Variants in LMTK2 observed in about 807,000 individuals in gnomAD.
LMTK2 encodes the protein serine/threonine-protein kinase LMTK2.
LMTK2 carries 37 observed loss-of-function variants against 127.5 expected under a neutral mutation model. The observed-to-expected ratio is 0.29, with a 90% CI of 0.22 to 0.38. LMTK2 has a LOEUF of 0.38. LMTK2 is among the 10% of genes least tolerant of loss of function. The pLI is 1.00. For missense variants in LMTK2, 1,694 were observed against 1,920.3 expected (o/e 0.88, Z 2.20); for synonymous variants, 819 against 810.1 (o/e 1.01, Z -0.19).
At position 98,171,729 on chromosome 7, in the gene LMTK2, G is replaced by A; in HGVS notation, c.791+55G>A. 2 of 1,492,044 alleles carry A rather than the reference G, an allele frequency of 1.3e-6. No homozygotes were observed. The highest frequency in any genetic ancestry group is 1.8e-6 in the Non-Finnish European group (2 of 1,126,854). The allele number at this position is 1,492,044 out of a possible 1,614,324, so 92.4% of individuals were successfully genotyped here. A position where few individuals can be genotyped will look rare whatever the true frequency, so the allele number is the denominator to read the frequency against. On this transcript the variant is annotated intron_variant, in intron 7 of 13. Coordinates refer to ENST00000297293, the MANE Select transcript of LMTK2 (RefSeq NM_014916.4). The surrounding 1 kb of genome is among the most constrained non-coding windows in gnomAD (Gnocchi z 5.1). ...CACACAGCACCGGCGGGACAGTCCA[G>A]AGAGGCTGCCGAGTTTGTGAAACTT... is the stretch of plus-strand genomic sequence containing the variant.
At chr7:98,120,402 CA>C in intron 1 of LMTK2, among the ~76,000 whole-genome samples, 1 of 152,224 alleles carries the variant, frequency 6.6e-6, no homozygotes, top group South Asian at 2.1e-4. Context: ...AGTAAATCCC[CA>C]AGACATCTTG....
Position 98,161,069 on chromosome 7 carries a change from T to C in LMTK2, c.657+1644T>C, listed in dbSNP as rs78359956. ...GGAATATGTAGTTCATTTACGTTTC[T>C]TGTAATTAGTGAGATATTTGTAATT... On this transcript the variant is annotated intron_variant, in intron 6 of 13. Coordinates refer to ENST00000297293, the MANE Select transcript of LMTK2 (RefSeq NM_014916.4). Among the ~76,000 whole-genome samples, 101 of 152,354 alleles carry C rather than the reference T, an allele frequency of 6.6e-4. 1 individual carries two copies. In the East Asian group the frequency reaches 0.019, roughly 28 times the overall value.
At chr7:98,133,895 C>A (rs12531245) in intron 1 of LMTK2, among the ~76,000 whole-genome samples, 9,198 of 151,942 alleles carry the variant, frequency 0.061, 643 homozygotes, top group East Asian at 0.34. Flanking sequence ...GTTTGTGATG[C>A]TTAAAAAAAC....
At chr7:98,141,605 CT>C (rs1489801799) in intron 3 of LMTK2, 64 bp downstream of exon 3, 2 of 1,483,850 alleles carry the variant, frequency 1.3e-6, no homozygotes, top group Non-Finnish European at 1.9e-6. Flanking sequence ...GAATGGGAGC[CT>C]AGCCATCATA....
intron 1 of LMTK2, among the ~76,000 whole-genome samples, chr7:98,111,728 G>A (rs1284441347): frequency 6.6e-6 from 1 of 152,202 alleles, no homozygotes; most frequent in African/African-American, 2.4e-5. Context: ...AGGTGGTATG[G>A]CATCAAAGCA....
chr7:98,189,156 C>T (rs963704938), intron 9 of LMTK2, among the ~76,000 whole-genome samples: 2 of 152,100 alleles, frequency 1.3e-5, no homozygotes, highest in Non-Finnish European at 2.9e-5. Flanking sequence ...GTGAGGACCC[C>T]AGGCGACCCC....
Position 98,107,240 on chromosome 7 carries a change from C to G in LMTK2, c.63C>G (p.Ala21=). The G allele has an allele frequency of 1.4e-6, 2 of 1,458,540 alleles. No homozygotes were observed. The highest frequency in any genetic ancestry group is 1.8e-6 in the Non-Finnish European group (2 of 1,112,494). 90.3% of individuals were successfully genotyped at this position (1,458,540 alleles called of 1,614,324 possible). ...TGCTGCTGCTGGTCCTCCTGATCGC[C>G]GGCAGTGCTGGGGCCGCGCCACTTC... is the stretch of plus-strand genomic sequence containing the variant. ...LLLLLLVLLI[A]GSAGAAPLPQ... Residue 21 remains alanine, a synonymous_variant, in exon 1 of 14, where the codon GCC becomes GCG. Transcript: ENST00000297293.
At chr7:98,166,068 C>G (rs749679733) in intron 6 of LMTK2, among the ~76,000 whole-genome samples, 1 of 152,250 alleles carries the variant, frequency 6.6e-6, no homozygotes. Flanking sequence ...GGCTGCAGCC[C>G]GGGCACTACG....
chr7:98,177,563 G>A (rs998713024), intron 7 of LMTK2, among the ~76,000 whole-genome samples: 1 of 152,160 alleles, frequency 6.6e-6, no homozygotes, highest in Non-Finnish European at 1.5e-5. Context: ...GCAGTGGCAC[G>A]ATCATGGCTC....
At chr7:98,145,324 C>A (rs1796756630) in intron 3 of LMTK2, among the ~76,000 whole-genome samples, 1 of 151,028 alleles carries the variant, frequency 6.6e-6, no homozygotes, top group African/African-American at 2.4e-5. Context: ...ATTTTTGATG[C>A]ACAGGATTCC....
At chr7:98,176,368 T>C (rs1040915460) in intron 7 of LMTK2, among the ~76,000 whole-genome samples, 5 of 152,172 alleles carry the variant, frequency 3.3e-5, no homozygotes, top group African/African-American at 1.2e-4. Context: ...AATAGCAATA[T>C]CATGCTATTG....
At chr7:98,149,204 C>T (rs758461016) in intron 3 of LMTK2, among the ~76,000 whole-genome samples, 5 of 152,178 alleles carry the variant, frequency 3.3e-5, no homozygotes, top group Non-Finnish European at 7.3e-5. Context: ...GGAATAAGGT[C>T]CACTGTGCTC....
At chr7:98,127,208 A>G (rs901507353) in intron 1 of LMTK2, among the ~76,000 whole-genome samples, 4 of 152,216 alleles carry the variant, frequency 2.6e-5, no homozygotes, top group Non-Finnish European at 4.4e-5. Flanking sequence ...ATAATTGTTC[A>G]GATTTTTTTC....
intron 3 of LMTK2, among the ~76,000 whole-genome samples, chr7:98,141,867 A>G (rs1477536846): frequency 6.6e-6 from 1 of 152,190 alleles, no homozygotes; most frequent in Non-Finnish European, 1.5e-5. Flanking sequence ...CTTGCTGAGT[A>G]GGACTCTGCT....
rs569631315 is a variant in LMTK2 at position 98,181,575 on chromosome 7, C to T, written c.792-3476C>T. Among the ~76,000 whole-genome samples the T allele has an allele frequency of 2.0e-5, 3 of 152,322 alleles. No individual in the cohort carries two copies. The South Asian group carries it at 6.2e-4, about 32-fold the overall frequency. On this transcript the variant is annotated intron_variant, in intron 7 of 13. Transcript: ENST00000297293. ...CTACAGTAATCAAAACAGTGTTGTACTAGCATAAGGAAGACATATAGACCA... is the reference window on the plus strand; with the variant it reads ...CTACAGTAATCAAAACAGTGTTGTATTAGCATAAGGAAGACATATAGACCA...
At chr7:98,173,740 C>A (rs904386454) in intron 7 of LMTK2, among the ~76,000 whole-genome samples, 1 of 152,074 alleles carries the variant, frequency 6.6e-6, no homozygotes, top group Admixed American at 6.6e-5. Flanking sequence ...GGGTTTTATT[C>A]AAGTTCTAAA....
chr7:98,196,192 A>G (rs1243899700), intron 11 of LMTK2, among the ~76,000 whole-genome samples: 1 of 151,572 alleles, frequency 6.6e-6, no homozygotes, highest in African/African-American at 2.4e-5. Flanking sequence ...TGTCTCAGAA[A>G]AAAAAAAAAA....
intron 5 of LMTK2, among the ~76,000 whole-genome samples, chr7:98,157,007 A>C (rs76737541): frequency 6.6e-6 from 1 of 152,280 alleles, no homozygotes; most frequent in East Asian, 1.9e-4. Flanking sequence ...TAGCCTTTTG[A>C]GAAGCTGAGG....
At chr7:98,111,405 A>T (rs1292637016) in intron 1 of LMTK2, among the ~76,000 whole-genome samples, 1 of 152,234 alleles carries the variant, frequency 6.6e-6, no homozygotes, top group African/African-American at 2.4e-5. Flanking sequence ...GACATATAGA[A>T]ATAATCCAAC....
Sources: gnomAD v4.1 joint callset for allele counts (sites outside exome capture counted in the v4.1 genomes callset) on GRCh38, gnomAD v4.1.1 for gene constraint, Gnocchi (gnomAD v3.1) non-coding constraint, MANE v1.5 for transcripts, NCBI Gene and HGNC (gene_info 2026-07-23, HGNC 2026-07-21) for gene names.